Variants in CUX1 observed in about 807,000 individuals in gnomAD.
The protein encoded by CUX1 is cut like homeobox 1.
A neutral mutation model predicts 158.8 loss-of-function variants in CUX1; 31 were observed. The ratio of observed to expected loss-of-function variants is 0.20; its 90% CI spans 0.15 to 0.26. The LOEUF is 0.26. CUX1 is among the 10% of genes least tolerant of loss of function. The probability of loss-of-function intolerance (pLI) is 1.00; values close to 1 mark genes in which losing one functional copy is unlikely to be tolerated. For missense variants in CUX1, 1,589 were observed against 2,014.6 expected (o/e 0.79, Z 4.04); for synonymous variants, 879 against 862.1 (o/e 1.02, Z -0.34).
chr7:102,073,175 T>TTTTTTTTTTTTG (rs1826338470), intron 4 of CUX1, among the ~76,000 whole-genome samples: 1 of 123,230 alleles, frequency 8.1e-6, no homozygotes, highest in Non-Finnish European at 1.7e-5. Context: ...CTTTTTTTTT[T>TTTTTTTTTTTTG]TTTTTTTTTT....
At chr7:101,868,802 T>G (rs1015559221) in intron 1 of CUX1, among the ~76,000 whole-genome samples, 1 of 151,858 alleles carries the variant, frequency 6.6e-6, no homozygotes, top group African/African-American at 2.4e-5. Flanking sequence ...GACGTGGGAG[T>G]TAAAGGACTG....
At chr7:102,111,369 C>T (rs1554489977) in intron 6 of CUX1, among the ~76,000 whole-genome samples, 2 of 152,126 alleles carry the variant, frequency 1.3e-5, no homozygotes. Flanking sequence ...CTTCAGAAAA[C>T]AATGAGTGCA....
intron 2 of CUX1, among the ~76,000 whole-genome samples, chr7:102,001,862 C>T (rs888549722): frequency 2.0e-5 from 3 of 152,206 alleles, no homozygotes; most frequent in Admixed American, 2.0e-4. Context: ...CTCAGAAGTG[C>T]TTAGTTGCTA....
Position 102,185,806 on chromosome 7 carries a change from C to T in CUX1, c.1018-4007C>T, listed in dbSNP as rs1393421495. ...AGCCCCCGGCTCATCCTGGCCTCTCCGGCATCTCACTTCCTCCCTGCAGGC... is the reference window on the plus strand; with the variant it reads ...AGCCCCCGGCTCATCCTGGCCTCTCTGGCATCTCACTTCCTCCCTGCAGGC... On this transcript the variant is annotated intron_variant, in intron 11 of 23. Transcript: ENST00000292535. Among the ~76,000 whole-genome samples, 7 of 152,094 alleles carry T rather than the reference C, an allele frequency of 4.6e-5. No individual in the cohort carries two copies. The East Asian group carries it at 1.2e-3, about 25-fold the overall frequency.
chr7:102,017,870 T>C (rs1419652742), intron 2 of CUX1, among the ~76,000 whole-genome samples: 1 of 152,144 alleles, frequency 6.6e-6, no homozygotes, highest in African/African-American at 2.4e-5. Context: ...GTTCCTCTCT[T>C]TGACAAGTTC....
At chr7:102,117,072 G>A (rs1202441029) in intron 8 of CUX1, among the ~76,000 whole-genome samples, 1 of 152,132 alleles carries the variant, frequency 6.6e-6, no homozygotes, top group African/African-American at 2.4e-5. Flanking sequence ...GAGCCTGCAG[G>A]TGGCAGGCAG....
intron 20 of CUX1, among the ~76,000 whole-genome samples, chr7:102,281,456 A>C (rs1235000119): frequency 6.6e-6 from 1 of 152,122 alleles, no homozygotes; most frequent in Non-Finnish European, 1.5e-5. Flanking sequence ...TGAGGTCTGG[A>C]GTTCGAGACC....
chr7:102,158,433 C>T, intron 8 of CUX1, 127 bp from the exon 9 acceptor site: 1 of 801,684 alleles, frequency 1.2e-6, no homozygotes, highest in East Asian at 2.5e-5. Context: ...CCTCCTCCTG[C>T]TGGACAGCAT....
intron 8 of CUX1, among the ~76,000 whole-genome samples, chr7:102,135,046 G>A (rs1833745210): frequency 6.6e-6 from 1 of 151,764 alleles, no homozygotes; most frequent in Admixed American, 6.6e-5. Context: ...CTTTTCACTC[G>A]AGTTTTAGTG....
intron 1 of CUX1, among the ~76,000 whole-genome samples, chr7:101,844,253 G>A (rs184484558): frequency 2.3e-5 from 3 of 131,740 alleles, no homozygotes; most frequent in African/African-American, 8.7e-5. Flanking sequence ...TGGTTTGCAC[G>A]TTGTCCACGG....
chr7:102,250,119 C>G lies in CUX1; in HGVS notation c.*1077C>G, dbSNP rs1801341707. The G allele has an allele frequency of 3.0e-6, 3 of 985,158 alleles. No homozygotes were observed. The highest frequency in any genetic ancestry group is 1.7e-5 in the African/African-American group (1 of 57,208). 61.0% of individuals were successfully genotyped at this position (985,158 alleles called of 1,614,324 possible). On this transcript the variant is annotated 3_prime_UTR_variant, in exon 24 of 24. Transcript: ENST00000292535. ...TATTTTATAATCTGCTTTTTAACCTCTAACCGCAGAGCACGCTGATCAGAC... is the reference window on the plus strand; with the variant it reads ...TATTTTATAATCTGCTTTTTAACCTGTAACCGCAGAGCACGCTGATCAGAC...
chr7:101,921,521 C>T (rs995278220), intron 2 of CUX1, among the ~76,000 whole-genome samples: 2 of 151,924 alleles, frequency 1.3e-5, no homozygotes, highest in African/African-American at 4.8e-5. Flanking sequence ...ACTGCAGTGG[C>T]GCCATCTCTG....
At chr7:101,847,729 A>G (rs1037473606) in intron 1 of CUX1, among the ~76,000 whole-genome samples, 18 of 151,906 alleles carry the variant, frequency 1.2e-4, no homozygotes, top group African/African-American at 4.4e-4. Context: ...TTTCTCCTCA[A>G]AATGAGAAAG....
In CUX1 at chr7:102,047,526, TGGATGGATGGATAACTGGATAGAG is replaced by T. The variant is rs1341229435; in HGVS notation, c.189+19394_189+19417del. ...AGGGAGGGAAGGAGGGAGGGAGAGATGGATGGATGGATAACTGGATAGAGGGATGGATGGATGATTAGTCTAGAG... is the reference window on the plus strand; with the variant it reads ...AGGGAGGGAAGGAGGGAGGGAGAGATGGATGGATGGATGATTAGTCTAGAG... On this transcript the variant is annotated intron_variant, in intron 3 of 23. Transcript: ENST00000292535. Among the ~76,000 whole-genome samples, 24 of 125,114 alleles carry T rather than the reference TGGATGGATGGATAACTGGATAGAG, an allele frequency of 1.9e-4. No homozygotes were observed. In the East Asian group the frequency reaches 6.5e-3, roughly 34 times the overall value. 82.1% of individuals were successfully genotyped at this position (125,114 alleles called of 152,430 possible).
intron 23 of CUX1, among the ~76,000 whole-genome samples, chr7:102,246,779 G>A (rs1002284883): frequency 3.9e-5 from 6 of 152,118 alleles, no homozygotes; most frequent in South Asian, 2.1e-4. Flanking sequence ...CATGTTGGCC[G>A]GGCTGGTCTC....
Position 102,248,717 on chromosome 7 carries a change from GC to G in CUX1, c.4196del (p.Pro1399ArgfsTer86). 1 of 1,173,172 alleles carries G rather than the reference GC, an allele frequency of 8.5e-7. No homozygotes were observed. 72.7% of individuals were successfully genotyped at this position (1,173,172 alleles called of 1,614,324 possible). On this transcript the variant is annotated frameshift_variant, in exon 24 of 24. Coordinates refer to ENST00000292535, the MANE Select transcript of CUX1 (RefSeq NM_181552.4). LOFTEE classifies it low-confidence loss of function (END_TRUNC). The surrounding 1 kb of genome is among the most constrained non-coding windows in gnomAD (Gnocchi z 5.8). ...DDDHEGGPVE[G>X]PGPLPSPASA... Reference sequence around the variant, plus strand: ...GACCACGAGGGAGGCCCCGTGGAAGGCCCGGGGCCCCTGCCCAGCCCCGCCT... The same window carrying G: ...GACCACGAGGGAGGCCCCGTGGAAGGCCGGGGCCCCTGCCCAGCCCCGCCT...
intron 1 of CUX1, among the ~76,000 whole-genome samples, chr7:101,914,131 T>A (rs958101198): frequency 6.6e-6 from 1 of 152,158 alleles, no homozygotes; most frequent in Non-Finnish European, 1.5e-5. Flanking sequence ...AGTGTTTCCC[T>A]TTTTTCTGCA....
chr7:102,172,392 C>G (rs1791827763), intron 10 of CUX1, among the ~76,000 whole-genome samples: 1 of 151,504 alleles, frequency 6.6e-6, no homozygotes, highest in African/African-American at 2.4e-5. Flanking sequence ...ACTCGGTCAC[C>G]CAGGCTGGAA....
chr7:101,948,748 G>A (rs1181581812), intron 2 of CUX1, among the ~76,000 whole-genome samples: 1 of 152,148 alleles, frequency 6.6e-6, no homozygotes, highest in Admixed American at 6.5e-5. Flanking sequence ...GCACCCCATT[G>A]AGGTCCTCCG....
Sources: gnomAD v4.1 joint callset for allele counts (sites outside exome capture counted in the v4.1 genomes callset) on GRCh38, gnomAD v4.1.1 for gene constraint, Gnocchi (gnomAD v3.1) non-coding constraint, MANE v1.5 for transcripts, NCBI Gene and HGNC (gene_info 2026-07-23, HGNC 2026-07-21) for gene names.